The following IMPA2 variants were observed in gnomAD, a reference collection of about 807,000 sequenced individuals.
The protein encoded by IMPA2 is inositol monophosphatase 2, also known as IMP 2.
In IMPA2, 32 loss-of-function variants were observed where a neutral mutation model predicts 35.1. That is an observed-to-expected ratio of 0.91 (90% CI 0.69 to 1.23). The LOEUF (loss-of-function observed/expected upper bound fraction) is 1.23. IMPA2 is among the 50% of genes most tolerant of loss of function. The probability of loss-of-function intolerance (pLI) is 0.00; values close to 1 mark genes in which losing one functional copy is unlikely to be tolerated. For synonymous variants in IMPA2, 135 were observed against 160.6 expected (o/e 0.84, Z 1.20); for missense variants, 334 against 387.6 (o/e 0.86, Z 1.16).
intron 5 of IMPA2, among the ~76,000 whole-genome samples, chr18:12,018,831 A>C (rs1907651854): frequency 6.6e-6 from 1 of 151,930 alleles, no homozygotes; most frequent in South Asian, 2.1e-4. Flanking sequence ...TTTTATTATT[A>C]TTATTATTTT....
intron 7 of IMPA2, 60 bp downstream of exon 7, chr18:12,029,053 G>T: frequency 1.3e-6 from 2 of 1,515,718 alleles, no homozygotes; most frequent in Non-Finnish European, 1.8e-6. Flanking sequence ...CACTGTGGGT[G>T]GGGCACTTCC....
rs762058884 is a variant in IMPA2, at chr18:12,028,167, C to CG, written c.599+20dup. 6.6e-7 allele frequency: 1 copy of CG among 1,506,660 alleles called. No homozygotes were observed. Among genetic ancestry groups the CG allele is most frequent in the Non-Finnish European group, 9.2e-7 (1 of 1,082,932 alleles). The allele number at this position is 1,506,660 out of a possible 1,614,324, so 93.3% of individuals were successfully genotyped here. A position where few individuals can be genotyped will look rare whatever the true frequency, so the allele number is the denominator to read the frequency against. ...AGGCGCATGGGTAGGAGGTTCAGTT[C>CG]GGGGAACACCCTGCAGCCCGAGGAG... On this transcript the variant is annotated intron_variant, in intron 6 of 7. Coordinates refer to ENST00000269159, the MANE Select transcript of IMPA2 (RefSeq NM_014214.3).
chr18:11,982,846 TGCTGAGA>T (rs1434134205), intron 1 of IMPA2, among the ~76,000 whole-genome samples: 1 of 152,082 alleles, frequency 6.6e-6, no homozygotes, highest in East Asian at 1.9e-4. Flanking sequence ...ACAGGAGGTG[TGCTGAGA>T]GCAGATTGGC....
chr18:12,008,142 C>G (rs577374018), intron 2 of IMPA2, among the ~76,000 whole-genome samples: 4 of 152,020 alleles, frequency 2.6e-5, no homozygotes, highest in African/African-American at 9.6e-5. Context: ...AGTACAGGCG[C>G]CCACCACCAC....
At chr18:12,003,995 C>T (rs1219271093) in intron 2 of IMPA2, among the ~76,000 whole-genome samples, 1 of 152,248 alleles carries the variant, frequency 6.6e-6, no homozygotes, top group Non-Finnish European at 1.5e-5. Flanking sequence ...GTCTTCCCAG[C>T]CCTGCTCCAG....
At chr18:12,028,629 A>G (rs1348555983) in intron 6 of IMPA2, 2 of 580,938 alleles carry the variant, frequency 3.4e-6, no homozygotes, top group African/African-American at 3.7e-5. Flanking sequence ...GTCAGCTGGG[A>G]GCTGTCATGG....
intron 5 of IMPA2, among the ~76,000 whole-genome samples, chr18:12,020,242 G>A (rs1321115977): frequency 6.6e-6 from 1 of 152,070 alleles, no homozygotes; most frequent in Non-Finnish European, 1.5e-5. Context: ...TGCCCAGGCT[G>A]GAGTGCAGTG....
chr18:12,022,685 T>C (rs1907767621), intron 5 of IMPA2, among the ~76,000 whole-genome samples: 1 of 151,084 alleles, frequency 6.6e-6, no homozygotes, highest in Non-Finnish European at 1.5e-5. Context: ...AAGTAGGGGT[T>C]GTCATAAGTT....
intron 5 of IMPA2, chr18:12,017,750 G>A: frequency 3.0e-6 from 1 of 330,432 alleles, no homozygotes; most frequent in Non-Finnish European, 5.9e-6. Context: ...CACCACATCT[G>A]GCTAATTTTT....
chr18:12,023,101 CTG>C (rs1162203610), intron 5 of IMPA2, among the ~76,000 whole-genome samples: 2 of 151,956 alleles, frequency 1.3e-5, no homozygotes, highest in African/African-American at 4.8e-5. Context: ...AGCCTATACT[CTG>C]TTCTTGATTT....
chr18:11,983,192 C>T (rs1439751494), intron 1 of IMPA2, among the ~76,000 whole-genome samples: 1 of 152,172 alleles, frequency 6.6e-6, no homozygotes, highest in East Asian at 1.9e-4. Flanking sequence ...AAAAGGAGGA[C>T]CCTAAACCTT....
chr18:12,029,133 T>G (rs1319576754), intron 7 of IMPA2, 140 bp downstream of exon 7: 12 of 743,266 alleles, frequency 1.6e-5, no homozygotes, highest in Admixed American at 3.2e-5. Flanking sequence ...TTTTTTTTTT[T>G]GAGACGGGGT....
intron 1 of IMPA2, among the ~76,000 whole-genome samples, chr18:11,987,969 A>T (rs1415944433): frequency 6.7e-6 from 1 of 149,238 alleles, no homozygotes; most frequent in Non-Finnish European, 1.5e-5. Context: ...TTTCTTAGAT[A>T]ATTAATGAAG....
chr18:11,991,865 A>C lies in IMPA2; in HGVS notation c.97-7189A>C, dbSNP rs1223529934. Among the ~76,000 whole-genome samples, 1 of 142,078 alleles carries C rather than the reference A, an allele frequency of 7.0e-6. No homozygotes were observed. The highest frequency in any genetic ancestry group is 2.6e-5 in the African/African-American group (1 of 38,474). The allele number at this position is 142,078 out of a possible 152,430, so 93.2% of individuals were successfully genotyped here. The stretch of plus-strand genomic sequence containing the variant: ...AGAACAATTTTTTTTTTTTTTTGAG[A>C]TGGAGCCTTGCTCTGTCTCCCAGGA... On this transcript the variant is annotated intron_variant, in intron 1 of 7. Transcript: ENST00000269159. The surrounding 1 kb of genome is among the most constrained non-coding windows in gnomAD (Gnocchi z 4.1).
In IMPA2 at chr18:11,982,803, A is replaced by G. The variant is rs1906544818; in HGVS notation, c.96+1038A>G. Among the ~76,000 whole-genome samples, 5 of 152,148 alleles carry G rather than the reference A, an allele frequency of 3.3e-5. No individual in the cohort carries two copies. In the South Asian group the frequency reaches 1.0e-3, roughly 31 times the overall value. ...AACAAAACTCCGTCTCAAAAAAAAA[A>G]AAAAAAAGTGATTGTTTTCGGGGAT... is the stretch of plus-strand genomic sequence containing the variant. On this transcript the variant is annotated intron_variant, in intron 1 of 7. Coordinates refer to ENST00000269159, the MANE Select transcript of IMPA2 (RefSeq NM_014214.3).
intron 5 of IMPA2, among the ~76,000 whole-genome samples, chr18:12,025,043 C>T (rs1346674708): frequency 6.6e-6 from 1 of 152,204 alleles, no homozygotes; most frequent in Non-Finnish European, 1.5e-5. Flanking sequence ...GCCTATTCTT[C>T]CCTCCCCTGA....
chr18:12,011,318 A>G (rs1907428443), intron 3 of IMPA2, among the ~76,000 whole-genome samples: 1 of 152,146 alleles, frequency 6.6e-6, no homozygotes, highest in South Asian at 2.1e-4. Context: ...AGACATCCGA[A>G]AGCCACCAGC....
intron 5 of IMPA2, chr18:12,018,243 A>G (rs978076579): frequency 1.3e-5 from 2 of 152,476 alleles, no homozygotes; most frequent in African/African-American, 2.4e-5. Flanking sequence ...ACCCGGCCTC[A>G]ACCCCATCTC....
intron 5 of IMPA2, 96 bp downstream of exon 5, chr18:12,014,469 C>G: frequency 2.9e-6 from 2 of 682,364 alleles, no homozygotes; most frequent in Admixed American, 6.4e-5. Context: ...GGTGGAGGTC[C>G]CTTGCTGATG....
Sources: allele counts gnomAD v4.1 joint callset (sites outside exome capture counted in the v4.1 genomes callset), GRCh38; gene constraint gnomAD v4.1.1; non-coding constraint Gnocchi (gnomAD v3.1); transcripts MANE v1.5; gene names NCBI Gene and HGNC (gene_info 2026-07-23, HGNC 2026-07-21).